Variants in SLC25A28 observed in about 807,000 individuals in gnomAD.
SLC25A28 encodes mitoferrin-2.
SLC25A28 carries 10 observed loss-of-function variants against 31.9 expected under a neutral mutation model. The ratio of observed to expected loss-of-function variants is 0.31; its 90% CI spans 0.19 to 0.53. The LOEUF (loss-of-function observed/expected upper bound fraction) is 0.53. SLC25A28 is among the 20% of genes least tolerant of loss of function. The probability of loss-of-function intolerance (pLI) is 0.95; values close to 1 mark genes in which losing one functional copy is unlikely to be tolerated. For synonymous variants in SLC25A28, 208 were observed against 203.6 expected (o/e 1.02, Z -0.19); for missense variants, 256 against 490.3 (o/e 0.52, Z 4.51).
the SLC25A28 span, among the ~76,000 whole-genome samples, chr10:99,643,952 CTT>C: frequency 6.6e-6 from 1 of 152,144 alleles, no homozygotes; most frequent in African/African-American, 2.4e-5. Flanking sequence ...AATTTCTGTT[CTT>C]TTACATTTGC....
At chr10:99,623,504 T>A (rs1009944291), upstream of SLC25A28, among the ~76,000 whole-genome samples, 1 of 152,234 alleles carries the variant, frequency 6.6e-6, no homozygotes, top group African/African-American at 2.4e-5. Flanking sequence ...GTTTATGCTC[T>A]CCTTTTCCTT....
chr10:99,655,555 G>A, the SLC25A28 span, among the ~76,000 whole-genome samples: 248 of 152,120 alleles, frequency 1.6e-3, 1 homozygote, highest in Non-Finnish European at 2.1e-3. Flanking sequence ...ATGCCACCAC[G>A]CCCAGCCCCA....
At chr10:99,629,672 C>T in the SLC25A28 span, among the ~76,000 whole-genome samples, 3 of 152,206 alleles carry the variant, frequency 2.0e-5, no homozygotes, top group African/African-American at 7.2e-5. Flanking sequence ...TATTATTCCA[C>T]TTATATGAAA....
At chr10:99,649,022 C>T in the SLC25A28 span, among the ~76,000 whole-genome samples, 1 of 152,034 alleles carries the variant, frequency 6.6e-6, no homozygotes, top group South Asian at 2.1e-4. Flanking sequence ...AAGTGGGCAT[C>T]CTTGTATCGT....
the SLC25A28 span, among the ~76,000 whole-genome samples, chr10:99,643,090 C>T: frequency 0.85 from 129,896 of 152,006 alleles, 55,601 homozygotes; most frequent in Middle Eastern, 0.92. Context: ...TAAAATGAGT[C>T]AGGGAGGATT....
the SLC25A28 span, among the ~76,000 whole-genome samples, chr10:99,656,852 TCAGTGCTTTTTA>T: frequency 3.9e-5 from 6 of 152,234 alleles, no homozygotes; most frequent in African/African-American, 1.4e-4. Flanking sequence ...AGAAATACTC[TCAGTGCTTTTTA>T]ATTTGCCCTG....
chr10:99,617,464 T>C (rs529219416), intron 1 of SLC25A28: 3 of 985,088 alleles, frequency 3.0e-6, no homozygotes, highest in Non-Finnish European at 3.6e-6. Flanking sequence ...TCCAACAACA[T>C]GGATATCTGC....
intron 1 of SLC25A28, chr10:99,617,379 C>A: frequency 6.1e-6 from 6 of 985,456 alleles, no homozygotes; most frequent in Non-Finnish European, 7.2e-6. Flanking sequence ...TGATAAGTAG[C>A]TGAGGATGGA....
At chr10:99,640,900 A>C in the SLC25A28 span, among the ~76,000 whole-genome samples, 1 of 152,024 alleles carries the variant, frequency 6.6e-6, no homozygotes, top group Non-Finnish European at 1.5e-5. Flanking sequence ...TGAATTCATC[A>C]TTTTTTATGG....
At chr10:99,653,182 G>C in the SLC25A28 span, among the ~76,000 whole-genome samples, 1 of 152,212 alleles carries the variant, frequency 6.6e-6, no homozygotes, top group Non-Finnish European at 1.5e-5. Flanking sequence ...ATGTGTGGCA[G>C]AAGTGAAGAT....
upstream of SLC25A28, chr10:99,622,588 C>CTATTCCCGTTTTTCT: frequency 1.1e-6 from 1 of 936,364 alleles, no homozygotes; most frequent in Non-Finnish European, 1.3e-6. Context: ...GGTCTTTTTC[C>CTATTCCCGTTTTTCT]TATTCCCGTT....
chr10:99,638,111 A>C, the SLC25A28 span, among the ~76,000 whole-genome samples: 1 of 152,198 alleles, frequency 6.6e-6, no homozygotes, highest in Admixed American at 6.5e-5. Flanking sequence ...AGAGCAATGG[A>C]AAAGAATAGA....
chr10:99,645,193 A>G, the SLC25A28 span, among the ~76,000 whole-genome samples: 4 of 152,152 alleles, frequency 2.6e-5, no homozygotes, highest in Non-Finnish European at 5.9e-5. Flanking sequence ...AGGTACACCA[A>G]TCAGATGTAG....
At chr10:99,619,283 T>C (rs2034729586) in intron 1 of SLC25A28, 25 of 985,282 alleles carry the variant, frequency 2.5e-5, no homozygotes, top group Non-Finnish European at 2.9e-5. Context: ...CTAGGCAACT[T>C]CTCCCTTTTT....
chr10:99,629,138 C>T, the SLC25A28 span, among the ~76,000 whole-genome samples: 1 of 152,116 alleles, frequency 6.6e-6, no homozygotes, highest in Non-Finnish European at 1.5e-5. Flanking sequence ...GGAATAGATC[C>T]CTCATGAATA....
chr10:99,612,116 C>A, intron 3 of SLC25A28, among the ~76,000 whole-genome samples: 1 of 152,184 alleles, frequency 6.6e-6, no homozygotes, highest in East Asian at 1.9e-4. Flanking sequence ...ATGATTTAAC[C>A]TTTCATTCCT....
chr10:99,642,752 T>C, the SLC25A28 span, among the ~76,000 whole-genome samples: 2 of 152,158 alleles, frequency 1.3e-5, no homozygotes, highest in Non-Finnish European at 2.9e-5. Flanking sequence ...CAATACCTAG[T>C]TTATTGAGAG....
the SLC25A28 span, among the ~76,000 whole-genome samples, chr10:99,656,720 A>T: frequency 6.6e-6 from 1 of 152,272 alleles, no homozygotes. Flanking sequence ...CATCAAGCAC[A>T]TCTGGAGAAA....
the SLC25A28 span, among the ~76,000 whole-genome samples, chr10:99,636,782 T>C: frequency 1.3e-5 from 2 of 152,114 alleles, no homozygotes; most frequent in African/African-American, 2.4e-5. Context: ...AGCAGTGAGA[T>C]TGAAACGGTA....
Sources: allele counts gnomAD v4.1 joint callset (sites outside exome capture counted in the v4.1 genomes callset), GRCh38; gene constraint gnomAD v4.1.1; transcripts MANE v1.5; gene names NCBI Gene and HGNC (gene_info 2026-07-23, HGNC 2026-07-21).